Variants in ANKRD12 observed in about 807,000 individuals in gnomAD.
ANKRD12 encodes ankyrin repeat domain 12.
ANKRD12 carries 85 observed loss-of-function variants against 183.4 expected under a neutral mutation model. The ratio of observed to expected loss-of-function variants is 0.46; its 90% confidence interval spans 0.39 to 0.56. The LOEUF is 0.56. Among genes scored for constraint, ANKRD12 ranks in the 20% least tolerant of loss-of-function variants. The probability of loss-of-function intolerance (pLI) is 0.00; values close to 1 mark genes in which losing one functional copy is unlikely to be tolerated. For synonymous variants in ANKRD12, 914 were observed against 800.2 expected (o/e 1.14, Z -2.40); for missense variants, 2,405 against 2,357.1 (o/e 1.02, Z -0.42).
At position 9,255,033 on chromosome 18, in the gene ANKRD12, A is replaced by G. The variant is rs114019760; in HGVS notation, c.1766A>G (p.Glu589Gly). 1.9e-6 allele frequency: 3 copies of G among 1,596,514 alleles called. No individual in the cohort carries two copies. The highest frequency in any genetic ancestry group is 1.7e-6 in the Non-Finnish European group (2 of 1,174,170). ...DLVRYDNTESEFLPESSSVKS... is the reference protein window; with the variant it reads ...DLVRYDNTESGFLPESSSVKS... ...GTTCGGTATGATAATACAGAATCTG[A>G]ATTCTTGCCAGAAAGTTCAAGTGTA... is the stretch of plus-strand genomic sequence containing the variant. Residue 589 changes from glutamate to glycine, a missense_variant, in exon 9 of 13, where the codon GAA becomes GGA. Transcript: ENST00000262126.
intron 1 of ANKRD12, among the ~76,000 whole-genome samples, chr18:9,157,581 G>GTATATATATATATATATA (rs1221750938): frequency 3.7e-5 from 4 of 109,336 alleles, no homozygotes; most frequent in South Asian, 2.7e-4. Flanking sequence ...GTGTGTGTGT[G>GTATATATATATATATATA]TGTGTATATA....
intron 12 of ANKRD12, 68 bp from the exon 13 acceptor site, chr18:9,280,873 T>G: frequency 6.8e-4 from 1,001 of 1,462,102 alleles, no homozygotes; most frequent in Non-Finnish European, 8.7e-4. Context: ...AGAAACTGGA[T>G]GAGATTAATT....
At chr18:9,260,362 CAAAAATA>C (rs2038893063) in intron 9 of ANKRD12, 1 of 151,984 alleles carries the variant, frequency 6.6e-6, no homozygotes, top group South Asian at 2.1e-4. Flanking sequence ...AGGATGTCTA[CAAAAATA>C]AAAAATAAAT....
intron 2 of ANKRD12, among the ~76,000 whole-genome samples, chr18:9,186,750 CTTTTTTTTT>C (rs759387137): frequency 1.7e-5 from 2 of 117,248 alleles, no homozygotes; most frequent in African/African-American, 6.5e-5. Flanking sequence ...CTTTGATTGT[CTTTTTTTTT>C]TTTTTTTTTT....
intron 1 of ANKRD12, among the ~76,000 whole-genome samples, chr18:9,149,594 T>A (rs1193111103): frequency 6.6e-6 from 1 of 152,104 alleles, no homozygotes; most frequent in Non-Finnish European, 1.5e-5. Flanking sequence ...ATTTTTTACT[T>A]TCCTAATTTC....
intron 6 of ANKRD12, among the ~76,000 whole-genome samples, chr18:9,215,266 C>T (rs1475890527): frequency 1.3e-5 from 2 of 152,124 alleles, no homozygotes; most frequent in African/African-American, 4.8e-5. Flanking sequence ...GCTAACTCTC[C>T]TGTTTTATGT....
chr18:9,254,386 G>C lies in ANKRD12; in HGVS notation c.1119G>C (p.Lys373Asn), dbSNP rs2038476750. Residue 373 changes from lysine (K) to asparagine (N), a missense_variant, in exon 9 of 13, where the codon AAG becomes AAC. This residue lies in a region of ANKRD12 where 1,983 missense variants were observed against 1,725.9 expected (regional missense o/e 1.15). Transcript: ENST00000262126. ...ATGATGATGATGAAGAAATTAATAAGATGATTGATGATAGGCATATTCTTA... is the reference window on the plus strand; with the variant it reads ...ATGATGATGATGAAGAAATTAATAACATGATTGATGATAGGCATATTCTTA... ...FKDDDDEEIN[K>N]MIDDRHILRK... 1 of 1,607,520 alleles carries C rather than the reference G, an allele frequency of 6.2e-7. No individual in the cohort carries two copies. Among genetic ancestry groups the C allele is most frequent in the Non-Finnish European group, 8.5e-7 (1 of 1,177,946 alleles).
At chr18:9,168,425 A>G (rs1051386106) in intron 1 of ANKRD12, among the ~76,000 whole-genome samples, 11 of 152,210 alleles carry the variant, frequency 7.2e-5, no homozygotes, top group East Asian at 3.9e-4. Flanking sequence ...CAGAGATTCA[A>G]CTTCTTCCTG....
At chr18:9,232,676 A>G (rs181680679) in intron 8 of ANKRD12, among the ~76,000 whole-genome samples, 36 of 152,318 alleles carry the variant, frequency 2.4e-4, no homozygotes, top group Admixed American at 7.2e-4. Flanking sequence ...GGAAGTTTTC[A>G]TCTGCTATTT....
At chr18:9,266,003 C>T (rs2039269316) in intron 10 of ANKRD12, among the ~76,000 whole-genome samples, 1 of 152,100 alleles carries the variant, frequency 6.6e-6, no homozygotes, top group Non-Finnish European at 1.5e-5. Context: ...ATTTGATCAG[C>T]TGGAAGAAAA....
intron 8 of ANKRD12, among the ~76,000 whole-genome samples, chr18:9,232,454 A>G (rs578243484): frequency 7.2e-5 from 11 of 152,284 alleles, no homozygotes; most frequent in African/African-American, 2.6e-4. Context: ...ATCCTGGCCT[A>G]TAAGGTTTCT....
At position 9,257,378 on chromosome 18, in the gene ANKRD12, A is replaced by G. The variant is rs144201415; in HGVS notation, c.4111A>G (p.Thr1371Ala). The change falls in exon 9 of 13, where the codon ACT (threonine) becomes GCT (alanine). Residue 1371 changes from threonine to alanine, a missense_variant. Thr to Ala is a moderately conservative substitution (Grantham distance 58, BLOSUM62 0). Coordinates refer to ENST00000262126, the MANE Select transcript of ANKRD12 (RefSeq NM_015208.5). ...ATCTAACATACATTCCAGTTTTGCA[A>G]CTTCTCCAACTGGAGCTTCAAACAG... The part of the protein sequence containing the change: ...NVSNIHSSFA[T>A]SPTGASNSKY... 129 of 1,614,130 alleles carry G rather than the reference A, an allele frequency of 8.0e-5. 1 individual carries two copies. In the African/African-American group the frequency reaches 1.1e-3, roughly 14 times the overall value.
chr18:9,201,249 TAA>T (rs901349721), intron 3 of ANKRD12, among the ~76,000 whole-genome samples: 3 of 152,234 alleles, frequency 2.0e-5, no homozygotes, highest in African/African-American at 7.2e-5. Context: ...TAATAATTAA[TAA>T]AGTTTCCACC....
intron 7 of ANKRD12, among the ~76,000 whole-genome samples, chr18:9,218,187 G>A (rs1251268674): frequency 6.6e-6 from 1 of 152,180 alleles, no homozygotes; most frequent in African/African-American, 2.4e-5. Context: ...GTGAACACAA[G>A]TTTCTAAATA....
rs767961431 is a variant in ANKRD12, at chr18:9,256,620, TTAAAA to T, written c.3359_3363del (p.Ile1120ArgfsTer2). ...TTGAGAAACCGAAACTGTTTAGAAC[TTAAAA>T]TAAAAGATAAAGAAAAAACAAAGCA... On this transcript the variant is annotated frameshift_variant, in exon 9 of 13. Coordinates refer to ENST00000262126, the MANE Select transcript of ANKRD12 (RefSeq NM_015208.5). LOFTEE classifies it high-confidence loss of function. 1.8e-5 allele frequency: 29 copies of T among 1,604,358 alleles called. No homozygotes were observed. The highest frequency in any genetic ancestry group is 3.4e-5 in the South Asian group (3 of 88,278).
chr18:9,210,763 T>C (rs2035757958), intron 5 of ANKRD12, among the ~76,000 whole-genome samples: 1 of 147,432 alleles, frequency 6.8e-6, no homozygotes, highest in Non-Finnish European at 1.5e-5. Flanking sequence ...CCTTACACTT[T>C]TTTTTTTTAT....
At chr18:9,211,182 A>C (rs776200442) in intron 5 of ANKRD12, among the ~76,000 whole-genome samples, 1 of 152,166 alleles carries the variant, frequency 6.6e-6, no homozygotes, top group African/African-American at 2.4e-5. Context: ...AAGAACTCCA[A>C]TGCTTTGTCT....
intron 1 of ANKRD12, among the ~76,000 whole-genome samples, chr18:9,168,404 A>G (rs2032316150): frequency 6.6e-6 from 1 of 152,112 alleles, no homozygotes; most frequent in African/African-American, 2.4e-5. Flanking sequence ...AGAGCCTGTT[A>G]TTGGTCTATT....
At chr18:9,207,732 G>T (rs1237106838) in intron 4 of ANKRD12, among the ~76,000 whole-genome samples, 3 of 151,780 alleles carry the variant, frequency 2.0e-5, no homozygotes, top group African/African-American at 7.3e-5. Context: ...CTCTTTGCAG[G>T]TACCCTCAAA....
Sources: allele counts gnomAD v4.1 joint callset (sites outside exome capture counted in the v4.1 genomes callset), GRCh38; gene constraint gnomAD v4.1.1; regional missense constraint gnomAD v4.1.1; transcripts MANE v1.5; gene names NCBI Gene and HGNC (gene_info 2026-07-23, HGNC 2026-07-21).